Variants in SORCS3 observed in about 807,000 individuals in gnomAD.
The protein encoded by SORCS3 is VPS10 domain-containing receptor SorCS3.
SORCS3 carries 57 observed loss-of-function variants against 146.3 expected under a neutral mutation model. The ratio of observed to expected loss-of-function variants is 0.39; its 90% confidence interval spans 0.31 to 0.49. The LOEUF (loss-of-function observed/expected upper bound fraction) is 0.49. Among genes scored for constraint, SORCS3 ranks in the 20% least tolerant of loss-of-function variants. The probability of loss-of-function intolerance (pLI) is 0.92; values close to 1 mark genes in which losing one functional copy is unlikely to be tolerated. For missense variants in SORCS3, 1,341 were observed against 1,575.5 expected (o/e 0.85, Z 2.52); for synonymous variants, 653 against 618.5 (o/e 1.06, Z -0.83).
At chr10:104,972,863 T>C (rs1476981758) in intron 3 of SORCS3, among the ~76,000 whole-genome samples, 8 of 152,188 alleles carry the variant, frequency 5.3e-5, no homozygotes, top group African/African-American at 1.9e-4. Context: ...TTTTGAGATA[T>C]GTCCCATCAA....
chr10:105,204,712 T>C (rs2056592404), intron 16 of SORCS3, among the ~76,000 whole-genome samples: 1 of 149,732 alleles, frequency 6.7e-6, no homozygotes, highest in Admixed American at 6.7e-5. Flanking sequence ...AAAAAAAAAC[T>C]CACACGACCT....
At chr10:104,923,510 C>T (rs898075903) in intron 3 of SORCS3, among the ~76,000 whole-genome samples, 1 of 152,156 alleles carries the variant, frequency 6.6e-6, no homozygotes, top group Non-Finnish European at 1.5e-5. Context: ...TACTTGCTGG[C>T]ACAATTAAGG....
rs568876245 is a variant in SORCS3, at chr10:105,081,327, C to G, written c.1029-8448C>G. On this transcript the variant is annotated intron_variant, in intron 5 of 26. Coordinates refer to ENST00000369701, the MANE Select transcript of SORCS3 (RefSeq NM_014978.3). ...ACAAAGGATCTTGGTCCTGCCACCC[C>G]CTTCCAAGACCAAGAGCTAAGTGTG... Among the ~76,000 whole-genome samples the G allele has an allele frequency of 1.0e-3, 159 of 152,260 alleles. 1 individual carries two copies. The highest frequency in any genetic ancestry group is 7.9e-3 in the South Asian group (38 of 4,822).
intron 3 of SORCS3, among the ~76,000 whole-genome samples, chr10:104,973,220 A>T (rs1366815592): frequency 6.6e-6 from 1 of 152,118 alleles, no homozygotes; most frequent in African/African-American, 2.4e-5. Flanking sequence ...AAAATGAGTT[A>T]GGGAGGATTC....
chr10:104,709,005 C>T (rs190430235), intron 1 of SORCS3, among the ~76,000 whole-genome samples: 4 of 152,328 alleles, frequency 2.6e-5, no homozygotes, highest in Admixed American at 6.5e-5. Context: ...TCTTTTCCTC[C>T]TCTGCCTTGG....
chr10:105,076,232 C>G (rs2055588088), intron 5 of SORCS3, among the ~76,000 whole-genome samples: 1 of 152,198 alleles, frequency 6.6e-6, no homozygotes, highest in Admixed American at 6.5e-5. Context: ...AGATTAGAAT[C>G]TAGGACCTAT....
chr10:104,642,051 C>G, intron 1 of SORCS3, 97 bp downstream of exon 1: 1 of 1,372,388 alleles, frequency 7.3e-7, no homozygotes, highest in Non-Finnish European at 9.6e-7. Flanking sequence ...GCTCGGGGGT[C>G]GAGGCGGGGG....
chr10:104,869,157 A>G (rs1011200096), intron 2 of SORCS3, among the ~76,000 whole-genome samples: 2 of 151,810 alleles, frequency 1.3e-5, no homozygotes, highest in African/African-American at 4.8e-5. Context: ...GAAATATAAT[A>G]TACAAATATA....
chr10:104,709,839 A>G (rs745832204), intron 1 of SORCS3, among the ~76,000 whole-genome samples: 1 of 151,894 alleles, frequency 6.6e-6, no homozygotes, highest in Non-Finnish European at 1.5e-5. Flanking sequence ...TGGTTCCTTA[A>G]ATAATGTGTC....
At chr10:104,642,630 G>A (rs971115057) in intron 1 of SORCS3, among the ~76,000 whole-genome samples, 2 of 152,150 alleles carry the variant, frequency 1.3e-5, no homozygotes, top group African/African-American at 4.8e-5. Context: ...AAAGCGTGAA[G>A]CGAAATTCCA....
chr10:104,744,492 C>T (rs2016885100), intron 1 of SORCS3, among the ~76,000 whole-genome samples: 1 of 152,122 alleles, frequency 6.6e-6, no homozygotes, highest in Non-Finnish European at 1.5e-5. Context: ...TTGTATAATC[C>T]TCACAACAAT....
intron 2 of SORCS3, among the ~76,000 whole-genome samples, chr10:104,910,099 C>T (rs899385140): frequency 3.3e-5 from 5 of 152,142 alleles, no homozygotes; most frequent in African/African-American, 1.2e-4. Context: ...ATAGAATAGT[C>T]CCAAGCACCT....
intron 1 of SORCS3, among the ~76,000 whole-genome samples, chr10:104,731,266 G>A (rs1407949636): frequency 6.6e-6 from 1 of 152,180 alleles, no homozygotes. Flanking sequence ...TACTTCTCTG[G>A]CATGGGGCAA....
chr10:104,887,249 T>C (rs912870028), intron 2 of SORCS3, among the ~76,000 whole-genome samples: 2 of 152,162 alleles, frequency 1.3e-5, no homozygotes, highest in Middle Eastern at 3.2e-3. Context: ...GGAAGACTTT[T>C]TGGGTGCGAG....
chr10:105,095,111 T>C (rs565648725), intron 6 of SORCS3, among the ~76,000 whole-genome samples: 1 of 152,232 alleles, frequency 6.6e-6, no homozygotes, highest in East Asian at 1.9e-4. Context: ...ACCTGCCTCT[T>C]TTATCTGCTT....
intron 1 of SORCS3, among the ~76,000 whole-genome samples, chr10:104,754,330 G>A (rs987441836): frequency 2.0e-5 from 3 of 152,152 alleles, no homozygotes; most frequent in Admixed American, 2.0e-4. Flanking sequence ...ACCCCACGCA[G>A]GGCCTCCAGA....
chr10:105,126,503 T>A (rs2055975008), intron 7 of SORCS3, among the ~76,000 whole-genome samples: 1 of 152,198 alleles, frequency 6.6e-6, no homozygotes, highest in African/African-American at 2.4e-5. Context: ...GTTTAGAACC[T>A]ACTCTACTCT....
At chr10:104,699,131 A>C (rs375938096) in intron 1 of SORCS3, among the ~76,000 whole-genome samples, 5 of 152,274 alleles carry the variant, frequency 3.3e-5, no homozygotes, top group African/African-American at 1.2e-4. Flanking sequence ...TTTGCAAATA[A>C]AAGTCCCAAG....
At chr10:104,723,033 A>G (rs1285105994) in intron 1 of SORCS3, among the ~76,000 whole-genome samples, 1 of 151,520 alleles carries the variant, frequency 6.6e-6, no homozygotes, top group Non-Finnish European at 1.5e-5. Context: ...TTTGAATGTG[A>G]TTGCTCTTGC....
Sources: gnomAD v4.1 joint callset for allele counts (sites outside exome capture counted in the v4.1 genomes callset) on GRCh38, gnomAD v4.1.1 for gene constraint, MANE v1.5 for transcripts, NCBI Gene and HGNC (gene_info 2026-07-23, HGNC 2026-07-21) for gene names.